Variants in CTPS2 observed in about 807,000 individuals in gnomAD.
CTPS2 encodes the protein CTP synthase 2, also known as CTP synthase II.
CTPS2 carries 19 observed loss-of-function variants against 46.8 expected under a neutral mutation model. The observed-to-expected ratio is 0.41, with a 90% CI of 0.28 to 0.60. CTPS2 has a LOEUF of 0.60. Among genes scored for constraint, CTPS2 ranks in the 20% least tolerant of loss-of-function variants. CTPS2 has a pLI of 0.35. For synonymous variants in CTPS2, 151 were observed against 165.2 expected (o/e 0.91, Z 0.66); for missense variants, 286 against 447.6 (o/e 0.64, Z 3.26).
At chrX:16,604,651 A>T (rs1451556646) in intron 17 of CTPS2, among the ~76,000 whole-genome samples, 1 of 112,460 alleles carries the variant, frequency 8.9e-6, no homozygotes, top group Non-Finnish European at 1.9e-5. Flanking sequence ...ACAAAAAAAA[A>T]AAAAAAGGAA....
intron 17 of CTPS2, among the ~76,000 whole-genome samples, chrX:16,597,106 T>C (rs1156562626): frequency 9.0e-6 from 1 of 110,789 alleles, no homozygotes; most frequent in African/African-American, 3.3e-5. Context: ...CTTTGTCAGA[T>C]GAGTAGGTTG....
At position 16,617,149 on chromosome X, in the gene CTPS2, C is replaced by G. The variant is rs774866105; in HGVS notation, c.1546+1G>C. ...TTTTCAAAAATGAAGAGCCCACTTA[C>G]TTGCCAGTTCAATGATTTCCATCCT... is the stretch of plus-strand genomic sequence containing the variant. On this transcript the variant is annotated splice_donor_variant, in intron 16 of 18. Transcript: ENST00000359276. LOFTEE classifies it high-confidence loss of function. 1 of 1,200,174 alleles carries G rather than the reference C, an allele frequency of 8.3e-7. No homozygotes were observed. The highest frequency in any genetic ancestry group is 1.1e-6 in the Non-Finnish European group (1 of 885,969).
chrX:16,621,288 C>T (rs1161244385), intron 14 of CTPS2, among the ~76,000 whole-genome samples: 1 of 70,694 alleles, frequency 1.4e-5, no homozygotes, highest in African/African-American at 5.7e-5. Flanking sequence ...GAACATCACA[C>T]ACCGGGGCTT....
At chrX:16,638,052 A>G (rs1314101276) in intron 14 of CTPS2, among the ~76,000 whole-genome samples, 3 of 110,641 alleles carry the variant, frequency 2.7e-5, no homozygotes, top group Non-Finnish European at 5.7e-5. Context: ...TCAGGAGATC[A>G]AGACCATCCT....
Position 16,657,189 on chromosome X carries a change from C to CTT in CTPS2, c.1296+10323_1296+10324dup, listed in dbSNP as rs770294993. Among the ~76,000 whole-genome samples, 334 of 84,607 alleles carry CTT rather than the reference C, an allele frequency of 3.9e-3. 2 individuals are homozygous for CTT. The highest frequency in any genetic ancestry group is 0.012 in the African/African-American group (273 of 22,525). 73.5% of individuals were successfully genotyped at this position (84,607 alleles called of 115,157 possible). ...ACAGGCATGAGCCACCATGCCCGGC[C>CTT]TTTTTTTTTTTTTTTTTTTTAATCT... On this transcript the variant is annotated intron_variant, in intron 13 of 18. Coordinates refer to ENST00000359276, the MANE Select transcript of CTPS2 (RefSeq NM_175859.3).
chrX:16,703,975 G>C (rs1475148945), intron 1 of CTPS2, among the ~76,000 whole-genome samples: 1 of 96,605 alleles, frequency 1.0e-5, no homozygotes. Flanking sequence ...GTCTCACTCT[G>C]TTGCCCAGGC....
intron 14 of CTPS2, among the ~76,000 whole-genome samples, chrX:16,631,024 T>C (rs113824037): frequency 0.016 from 1,834 of 111,886 alleles, 31 homozygotes; most frequent in African/African-American, 0.056. Flanking sequence ...GAGTTTCAGA[T>C]CAGCTTGGGC....
chrX:16,630,323 C>T (rs917064806), intron 14 of CTPS2, among the ~76,000 whole-genome samples: 2 of 99,797 alleles, frequency 2.0e-5, no homozygotes, highest in East Asian at 3.2e-4. Context: ...GGTGTGATCT[C>T]GGCTCACTGC....
At chrX:16,686,911 A>T (rs957130241) in intron 8 of CTPS2, among the ~76,000 whole-genome samples, 1 of 110,359 alleles carries the variant, frequency 9.1e-6, no homozygotes, top group African/African-American at 3.3e-5. Flanking sequence ...CTCAAAAAAA[A>T]AAAAATAAAT....
intron 1 of CTPS2, among the ~76,000 whole-genome samples, chrX:16,706,899 C>T (rs371555068): frequency 3.3e-4 from 36 of 107,589 alleles, no homozygotes; most frequent in African/African-American, 1.0e-3. Flanking sequence ...AAAAATTAGC[C>T]GAGCATGGTA....
intron 17 of CTPS2, among the ~76,000 whole-genome samples, chrX:16,594,672 C>A (rs1291477736): frequency 5.4e-5 from 6 of 111,981 alleles, no homozygotes; most frequent in African/African-American, 1.6e-4. Context: ...CATTTCCTAT[C>A]TGATGGCTGT....
At chrX:16,676,515 T>C (rs745646006) in intron 10 of CTPS2, among the ~76,000 whole-genome samples, 5 of 112,390 alleles carry the variant, frequency 4.4e-5, no homozygotes, top group Non-Finnish European at 9.4e-5. Context: ...TATTGAAAAA[T>C]AATTATTCTT....
At chrX:16,614,134 T>C (rs982220069) in intron 16 of CTPS2, among the ~76,000 whole-genome samples, 1 of 112,045 alleles carries the variant, frequency 8.9e-6, no homozygotes, top group Non-Finnish European at 1.9e-5. Context: ...AATCTCATAA[T>C]GTTTTAAGAA....
At chrX:16,654,428 C>T in intron 13 of CTPS2, 1 of 1,200,157 alleles carries the variant, frequency 8.3e-7, no homozygotes, top group African/African-American at 1.7e-5. Flanking sequence ...TAGATGATCT[C>T]TTTCAAGAAC....
intron 10 of CTPS2, among the ~76,000 whole-genome samples, chrX:16,674,716 T>C (rs375978120): frequency 1.0e-4 from 11 of 106,255 alleles, no homozygotes; most frequent in African/African-American, 3.1e-4. Context: ...CAGGCGCCTG[T>C]AGTCCCAGCT....
chrX:16,653,700 C>A (rs964466433), intron 13 of CTPS2, among the ~76,000 whole-genome samples: 1 of 112,139 alleles, frequency 8.9e-6, no homozygotes, highest in Non-Finnish European at 1.9e-5. Context: ...GCAAGCCTAT[C>A]GTGTGATTCT....
At chrX:16,644,526 G>A (rs1932222078) in intron 13 of CTPS2, among the ~76,000 whole-genome samples, 1 of 111,561 alleles carries the variant, frequency 9.0e-6, no homozygotes, top group African/African-American at 3.3e-5. Flanking sequence ...AGGAAGGCAG[G>A]AGGGTCAGGG....
At chrX:16,653,420 C>T (rs1461425615) in intron 13 of CTPS2, among the ~76,000 whole-genome samples, 1 of 112,249 alleles carries the variant, frequency 8.9e-6, no homozygotes, top group Non-Finnish European at 1.9e-5. Context: ...CCAGCTTGAA[C>T]AACACAGCAA....
intron 13 of CTPS2, among the ~76,000 whole-genome samples, chrX:16,664,510 C>T (rs1474018636): frequency 1.8e-5 from 2 of 110,771 alleles, no homozygotes. Context: ...CAGTGTTAAG[C>T]GAAAAATGCA....
Sources: gnomAD v4.1 joint callset for allele counts (sites outside exome capture counted in the v4.1 genomes callset) on GRCh38, gnomAD v4.1.1 for gene constraint, MANE v1.5 for transcripts, NCBI Gene and HGNC (gene_info 2026-07-23, HGNC 2026-07-21) for gene names.